The following ASTN2 variants were observed in gnomAD, a reference collection of about 807,000 sequenced individuals.
ASTN2 encodes astrotactin-2.
Under a neutral mutation model 139.8 loss-of-function variants are expected in ASTN2, and 54 were observed. That is an observed-to-expected ratio of 0.39 (90% CI 0.31 to 0.48). The LOEUF (loss-of-function observed/expected upper bound fraction) is 0.48. ASTN2 is among the 20% of genes least tolerant of loss of function. ASTN2 has a pLI of 0.95. For synonymous variants in ASTN2, 756 were observed against 719.5 expected (o/e 1.05, Z -0.81); for missense variants, 1,565 against 1,725.1 (o/e 0.91, Z 1.64).
At chr9:117,053,321 G>A (rs114782762) in intron 5 of ASTN2, among the ~76,000 whole-genome samples, 2,670 of 152,164 alleles carry the variant, frequency 0.018, 75 homozygotes, top group African/African-American at 0.061. Flanking sequence ...ATGTGGTTGT[G>A]CATACCTGCA....
intron 6 of ASTN2, among the ~76,000 whole-genome samples, chr9:117,021,799 C>T (rs566157921): frequency 1.3e-5 from 2 of 152,130 alleles, no homozygotes; most frequent in African/African-American, 2.4e-5. Context: ...TTTCAGATTA[C>T]TCACTTTTAG....
chr9:116,926,284 C>T (rs754185634), intron 10 of ASTN2, among the ~76,000 whole-genome samples: 3 of 152,228 alleles, frequency 2.0e-5, no homozygotes, highest in African/African-American at 4.8e-5. Context: ...GCTTCAAAAA[C>T]ATATTGATTT....
chr9:117,099,631 G>T (rs908613493), intron 4 of ASTN2, among the ~76,000 whole-genome samples: 1 of 152,186 alleles, frequency 6.6e-6, no homozygotes, highest in African/African-American at 2.4e-5. Context: ...CTAGGAGATA[G>T]GTTACTACAT....
chr9:116,653,400 A>G (rs1306292277), intron 16 of ASTN2, among the ~76,000 whole-genome samples: 1 of 152,202 alleles, frequency 6.6e-6, no homozygotes, highest in East Asian at 1.9e-4. Flanking sequence ...TCTATACAAG[A>G]TTTCGTGAAA....
At chr9:116,867,287 G>C (rs562521507) in intron 10 of ASTN2, among the ~76,000 whole-genome samples, 3 of 152,004 alleles carry the variant, frequency 2.0e-5, no homozygotes, top group Non-Finnish European at 4.4e-5. Context: ...AGGTGGGAGG[G>C]AGAGTGAGAA....
chr9:117,209,526 C>G (rs1402324767), intron 3 of ASTN2, among the ~76,000 whole-genome samples: 1 of 151,952 alleles, frequency 6.6e-6, no homozygotes, highest in Admixed American at 6.5e-5. Flanking sequence ...TATATTTACA[C>G]TAAACACCAG....
chr9:117,005,829 T>C (rs749255204), intron 7 of ASTN2, among the ~76,000 whole-genome samples: 16 of 152,142 alleles, frequency 1.1e-4, no homozygotes, highest in South Asian at 2.1e-4. Context: ...ATTGCCTTCC[T>C]GACTCAGGAT....
intron 3 of ASTN2, among the ~76,000 whole-genome samples, chr9:117,155,830 C>G (rs1051285659): frequency 6.6e-6 from 1 of 152,038 alleles, no homozygotes; most frequent in African/African-American, 2.4e-5. Flanking sequence ...TCTCTCCTAA[C>G]TTTTCATTCA....
chr9:116,725,766 C>T lies in ASTN2; in HGVS notation c.2806+5G>A, dbSNP rs767619527. The T allele has an allele frequency of 6.2e-7, 1 of 1,612,106 alleles. No individual in the cohort carries two copies. The highest frequency in any genetic ancestry group is 8.5e-7 in the Non-Finnish European group (1 of 1,179,494). On this transcript the variant is annotated splice_donor_5th_base_variant and intron_variant, in intron 16 of 22. Coordinates refer to ENST00000313400, the MANE Select transcript of ASTN2 (RefSeq NM_001365068.1). ...CACCTCCTACAGTAGGCACTCCGGG[C>T]TTACCTTTCTGATACTGGAGCCACA...
chr9:117,249,102 C>T (rs1833466384), intron 2 of ASTN2, among the ~76,000 whole-genome samples: 1 of 152,186 alleles, frequency 6.6e-6, no homozygotes, highest in African/African-American at 2.4e-5. Context: ...CTGTAAGTCA[C>T]ATTTGCAAGG....
chr9:116,522,509 T>C (rs982055315), intron 19 of ASTN2, among the ~76,000 whole-genome samples: 1 of 151,932 alleles, frequency 6.6e-6, no homozygotes, highest in Non-Finnish European at 1.5e-5. Context: ...TTTGGGGACT[T>C]GGGGGAAAGG....
intron 20 of ASTN2, among the ~76,000 whole-genome samples, chr9:116,451,570 C>A (rs143370358): frequency 2.0e-5 from 3 of 152,216 alleles, no homozygotes; most frequent in African/African-American, 7.2e-5. Context: ...TGTATTCTTG[C>A]CCCTATGTTT....
At chr9:116,660,794 T>C (rs1211262147) in intron 16 of ASTN2, among the ~76,000 whole-genome samples, 1 of 152,234 alleles carries the variant, frequency 6.6e-6, no homozygotes, top group Non-Finnish European at 1.5e-5. Flanking sequence ...TGATTTCAAA[T>C]CTTAATCAAG....
At chr9:116,664,789 A>C (rs1858765699) in intron 16 of ASTN2, among the ~76,000 whole-genome samples, 1 of 152,332 alleles carries the variant, frequency 6.6e-6, no homozygotes, top group East Asian at 1.9e-4. Context: ...AGTGAGGAAT[A>C]TTCCAAACAC....
chr9:116,452,559 T>G (rs1848207433), intron 20 of ASTN2, among the ~76,000 whole-genome samples: 1 of 152,230 alleles, frequency 6.6e-6, no homozygotes, highest in Non-Finnish European at 1.5e-5. Flanking sequence ...TGCTAGAAGC[T>G]TTTACACAGT....
chr9:117,205,092 G>A lies in ASTN2; in HGVS notation c.1015+9266C>T, dbSNP rs116923313. On this transcript the variant is annotated intron_variant, in intron 3 of 22. Coordinates refer to ENST00000313400, the MANE Select transcript of ASTN2 (RefSeq NM_001365068.1). Reference sequence around the variant, plus strand: ...GTAAGATGAGAAATCACATGAAAATGATAAATAACATTTGAGAAGGCAAAC... The same window carrying A: ...GTAAGATGAGAAATCACATGAAAATAATAAATAACATTTGAGAAGGCAAAC... Among the ~76,000 whole-genome samples the A allele has an allele frequency of 8.5e-5, 13 of 152,310 alleles. No homozygotes were observed. The East Asian group carries it at 2.5e-3, about 29-fold the overall frequency.
At chr9:116,552,749 T>G (rs573310368) in intron 19 of ASTN2, among the ~76,000 whole-genome samples, 4 of 152,138 alleles carry the variant, frequency 2.6e-5, no homozygotes, top group African/African-American at 4.8e-5. Context: ...AAAATAAAGA[T>G]CCCAAGGCCT....
chr9:117,290,698 G>C (rs755390997), intron 2 of ASTN2, among the ~76,000 whole-genome samples: 21 of 152,228 alleles, frequency 1.4e-4, no homozygotes, highest in Non-Finnish European at 1.0e-4. Context: ...TTAGTAGCCA[G>C]ATATGCTTGG....
In ASTN2 at chr9:117,071,643, C is replaced by G. The variant is rs951347050; in HGVS notation, c.1276+24401G>C. Among the ~76,000 whole-genome samples, 247 of 149,638 alleles carry G rather than the reference C, an allele frequency of 1.7e-3. 2 individuals are homozygous for G. Among genetic ancestry groups the G allele is most frequent in the Middle Eastern group, 6.8e-3 (2 of 292 alleles). On this transcript the variant is annotated intron_variant, in intron 5 of 22. Transcript: ENST00000313400. The stretch of plus-strand genomic sequence containing the variant: ...CGCCTTGCAGTTTGATCTCAGACTG[C>G]TGTGCTAGCAATCAGCGAGATTCCG...
Sources: allele counts gnomAD v4.1 joint callset (sites outside exome capture counted in the v4.1 genomes callset), GRCh38; gene constraint gnomAD v4.1.1; transcripts MANE v1.5; gene names NCBI Gene and HGNC (gene_info 2026-07-23, HGNC 2026-07-21).